GPCPD1: variants seen among roughly 807,000 people sequenced by gnomAD.
The protein encoded by GPCPD1 is glycerophosphocholine phosphodiesterase GPCPD1.
In GPCPD1, 29 loss-of-function variants were observed where a neutral mutation model predicts 89.2. The ratio of observed to expected loss-of-function variants is 0.33; its 90% CI spans 0.24 to 0.44. GPCPD1 has a LOEUF of 0.44. Ranked by LOEUF, GPCPD1 falls within the 20% of genes least tolerant of loss-of-function variation. GPCPD1 has a pLI of 1.00. For synonymous variants in GPCPD1, 258 were observed against 266.3 expected, an observed-to-expected ratio of 0.97 and a Z score of 0.30; for missense variants, 594 against 808.9, an observed-to-expected ratio of 0.73 and a Z score of 3.22.
Position 5,546,207 on chromosome 20 carries a change from T to C in GPCPD1, c.*1454A>G, listed in dbSNP as rs1264999536. On this transcript the variant is annotated 3_prime_UTR_variant, in exon 20 of 20. Transcript: ENST00000379019. The stretch of plus-strand genomic sequence containing the variant: ...CGCAATACCATAGGATTTCAGAGCC[T>C]ATCTTCACACAAATAAGATCTGACC... 2 of 152,228 alleles carry C rather than the reference T, an allele frequency of 1.3e-5. No homozygotes were observed. The highest frequency in any genetic ancestry group is 4.8e-5 in the African/African-American group (2 of 41,472). 9.4% of individuals were successfully genotyped at this position (152,228 alleles called of 1,614,324 possible).
intron 19 of GPCPD1, among the ~76,000 whole-genome samples, chr20:5,551,290 G>A (rs1465302417): frequency 6.6e-6 from 1 of 152,180 alleles, no homozygotes; most frequent in Non-Finnish European, 1.5e-5. Context: ...AGAAGTACAC[G>A]CATGAACAGG....
intron 6 of GPCPD1, among the ~76,000 whole-genome samples, chr20:5,581,808 CTTTAACTTTTTTTTTTTTTTTTTTTT>C (rs1450965407): frequency 1.1e-5 from 1 of 92,222 alleles, no homozygotes; most frequent in East Asian, 3.9e-4. Flanking sequence ...AATTGTGGGA[CTTTAACTTTTTTTTTTTTTTTTTTTT>C]TTTTTTTTTT....
At chr20:5,549,601 T>C in intron 19 of GPCPD1, 1 of 577,488 alleles carries the variant, frequency 1.7e-6, no homozygotes, top group Non-Finnish European at 3.0e-6. Flanking sequence ...GATTTAAATT[T>C]AATTTCCATC....
In GPCPD1 at chr20:5,545,299, A is replaced by G. The variant is rs934273562; in HGVS notation, c.*2362T>C. On this transcript the variant is annotated 3_prime_UTR_variant, in exon 20 of 20. Transcript: ENST00000379019. Reference sequence around the variant, plus strand: ...TCCACCATGTTCCAAGCACTGTGAAAATAAAAATGACTATGACAAGGTCCC... The same window carrying G: ...TCCACCATGTTCCAAGCACTGTGAAGATAAAAATGACTATGACAAGGTCCC... 1 of 152,168 alleles carries G rather than the reference A, an allele frequency of 6.6e-6. No individual in the cohort carries two copies. The highest frequency in any genetic ancestry group is 1.5e-5 in the Non-Finnish European group (1 of 68,032). The allele number at this position is 152,168 out of a possible 1,614,324, so 9.4% of individuals were successfully genotyped here. A position where few individuals can be genotyped will look rare whatever the true frequency, so the allele number is the denominator to read the frequency against.
At chr20:5,569,866 T>C (rs562404418) in intron 12 of GPCPD1, among the ~76,000 whole-genome samples, 1 of 152,240 alleles carries the variant, frequency 6.6e-6, no homozygotes, top group East Asian at 1.9e-4. Flanking sequence ...CTCAATATAG[T>C]AGCATAGACA....
chr20:5,595,324 G>A (rs113219046), intron 3 of GPCPD1, among the ~76,000 whole-genome samples: 189 of 152,076 alleles, frequency 1.2e-3, no homozygotes, highest in African/African-American at 3.6e-3. Context: ...TAATAAATAA[G>A]TAAAAATCAC....
intron 4 of GPCPD1, among the ~76,000 whole-genome samples, chr20:5,588,975 A>C (rs1979135524): frequency 6.6e-6 from 1 of 152,228 alleles, no homozygotes; most frequent in Non-Finnish European, 1.5e-5. Flanking sequence ...CAGTATCTTT[A>C]CTTAATCAAG....
At chr20:5,595,810 G>GA (rs200600124) in intron 3 of GPCPD1, among the ~76,000 whole-genome samples, 1 of 151,748 alleles carries the variant, frequency 6.6e-6, no homozygotes, top group African/African-American at 2.4e-5. Flanking sequence ...AAAAAAAGGG[G>GA]GGGGGACAAA....
intron 10 of GPCPD1, 36 bp downstream of exon 10, chr20:5,575,377 C>T (rs775094055): frequency 2.9e-5 from 44 of 1,511,860 alleles, no homozygotes; most frequent in Non-Finnish European, 3.7e-5. Context: ...ACATAAGCTA[C>T]ACCAAATGCT....
At chr20:5,555,755 G>A (rs1316693302) in intron 19 of GPCPD1, among the ~76,000 whole-genome samples, 2 of 152,102 alleles carry the variant, frequency 1.3e-5, no homozygotes, top group Non-Finnish European at 2.9e-5. Context: ...AGCTACCCAG[G>A]AGGCAGAAGA....
intron 3 of GPCPD1, among the ~76,000 whole-genome samples, chr20:5,597,878 C>A (rs892066071): frequency 6.6e-6 from 1 of 152,170 alleles, no homozygotes. Context: ...GAATACATTT[C>A]TTCATATTAG....
At chr20:5,561,211 C>G (rs1415650559) in intron 16 of GPCPD1, among the ~76,000 whole-genome samples, 1 of 152,172 alleles carries the variant, frequency 6.6e-6, no homozygotes, top group East Asian at 1.9e-4. Flanking sequence ...CTCCCCAAAA[C>G]CACCATATTG....
At chr20:5,592,805 T>C (rs551742622) in intron 4 of GPCPD1, among the ~76,000 whole-genome samples, 2 of 152,318 alleles carry the variant, frequency 1.3e-5, no homozygotes, top group Admixed American at 6.5e-5. Context: ...TTAGAATAGA[T>C]ATGCCAAAGG....
At chr20:5,610,304 G>C (rs574940572) in intron 1 of GPCPD1, among the ~76,000 whole-genome samples, 69 of 152,304 alleles carry the variant, frequency 4.5e-4, no homozygotes, top group African/African-American at 1.7e-3. Context: ...TCCTAGGAAA[G>C]GCACTTTAGT....
At position 5,568,154 on chromosome 20, in the gene GPCPD1, C is replaced by T. The variant is rs992757336; in HGVS notation, c.1150-594G>A. Among the ~76,000 whole-genome samples the T allele has an allele frequency of 2.0e-5, 3 of 151,244 alleles. No individual in the cohort carries two copies. In the South Asian group the frequency reaches 6.2e-4, roughly 31 times the overall value. ...TTAATGTCTATCAAATGATCAATGT[C>T]ACTCTGTTGAAGGCACTTCTACAGG... On this transcript the variant is annotated intron_variant, in intron 12 of 19. Transcript: ENST00000379019.
rs1161986523 is a variant in GPCPD1, at chr20:5,546,000, GGTAACC to G, written c.*1655_*1660del. 6.6e-6 allele frequency: 1 copy of G among 152,130 alleles called. No individual in the cohort carries two copies. Among genetic ancestry groups the G allele is most frequent in the African/African-American group, 2.4e-5 (1 of 41,424 alleles). The allele number at this position is 152,130 out of a possible 1,614,324, so 9.4% of individuals were successfully genotyped here. ...GCTAATCGAGTTACTATAAAGAAAT[GGTAACC>G]GTATTGGACAAAGGTCTGCAGATGA... is the stretch of plus-strand genomic sequence containing the variant. On this transcript the variant is annotated 3_prime_UTR_variant, in exon 20 of 20. Coordinates refer to ENST00000379019, the MANE Select transcript of GPCPD1 (RefSeq NM_019593.5).
intron 19 of GPCPD1, chr20:5,548,721 G>C (rs1568637150): frequency 4.6e-6 from 1 of 215,768 alleles, no homozygotes; most frequent in Non-Finnish European, 9.3e-6. Flanking sequence ...CTGGAAAACA[G>C]ATGGATAAAT....
At chr20:5,586,122 C>T (rs1978904632) in intron 5 of GPCPD1, 72 bp downstream of exon 5, 6 of 689,020 alleles carry the variant, frequency 8.7e-6, no homozygotes, top group South Asian at 1.9e-5. Context: ...TTATTAAATC[C>T]CACTAAGCCA....
At chr20:5,580,453 T>C (rs905280068) in intron 6 of GPCPD1, among the ~76,000 whole-genome samples, 3 of 152,028 alleles carry the variant, frequency 2.0e-5, no homozygotes, top group African/African-American at 4.8e-5. Flanking sequence ...CGGGCGGGCA[T>C]GGTGGCTCAC....
Sources: gnomAD v4.1 joint callset for allele counts (sites outside exome capture counted in the v4.1 genomes callset) on GRCh38, gnomAD v4.1.1 for gene constraint, MANE v1.5 for transcripts, NCBI Gene and HGNC (gene_info 2026-07-23, HGNC 2026-07-21) for gene names.